JHY: variants seen among roughly 807,000 people sequenced by gnomAD.
JHY encodes jhy protein homolog.
JHY carries 69 observed loss-of-function variants against 78.0 expected under a neutral mutation model. That is an observed-to-expected ratio of 0.88 (90% CI 0.73 to 1.08). The LOEUF (loss-of-function observed/expected upper bound fraction) is 1.08, where lower values mean the gene tolerates loss of function less well. Ranked by LOEUF, JHY falls within the 50% of genes least tolerant of loss-of-function variation. The probability of loss-of-function intolerance (pLI) is 0.00; values close to 1 mark genes in which losing one functional copy is unlikely to be tolerated. For synonymous variants in JHY, 368 were observed against 342.6 expected, an observed-to-expected ratio of 1.07 and a Z score of -0.82; for missense variants, 944 against 927.8, an observed-to-expected ratio of 1.02 and a Z score of -0.23.
chr11:122,891,724 A>T (rs7950748), intron 2 of JHY, among the ~76,000 whole-genome samples: 43,285 of 152,026 alleles, frequency 0.28, 6,497 homozygotes, highest in East Asian at 0.44. Context: ...CCTCTTGGAT[A>T]GGCATTATTA....
chr11:122,918,245 T>C (rs897388821), intron 3 of JHY, among the ~76,000 whole-genome samples: 1 of 151,514 alleles, frequency 6.6e-6, no homozygotes, highest in Admixed American at 6.6e-5. Flanking sequence ...GACATTGTCA[T>C]AGGTGCTTGG....
intron 3 of JHY, 62 bp downstream of exon 3, chr11:122,904,506 C>T: frequency 1.3e-6 from 2 of 1,539,392 alleles, no homozygotes; most frequent in Non-Finnish European, 1.8e-6. Flanking sequence ...CGTTTGTTTG[C>T]AGTGTCTAGA....
chr11:122,884,996 G>T (rs1862465290), intron 1 of JHY, among the ~76,000 whole-genome samples: 1 of 146,860 alleles, frequency 6.8e-6, no homozygotes, highest in Non-Finnish European at 1.5e-5. Flanking sequence ...TTTTTGTAGA[G>T]ATGGGGTTTT....
intron 8 of JHY, chr11:122,958,948 C>A (rs186085759): frequency 1.0e-6 from 1 of 985,242 alleles, no homozygotes; most frequent in Admixed American, 6.1e-5. Context: ...ACTAAGTAGA[C>A]CAAACACATA....
Position 122,885,748 on chromosome 11 carries a change from TA to T in JHY, c.-89-12del. On this transcript the variant is annotated splice_polypyrimidine_tract_variant and intron_variant, in intron 1 of 8. Transcript: ENST00000227349. ...TAGTGGTCGCAGAGTAACATAAATA[TA>T]TTTTTTTTCAGGTAACGCTTTTGTG... is the stretch of plus-strand genomic sequence containing the variant. 2.4e-6 allele frequency: 2 copies of T among 845,194 alleles called. No homozygotes were observed. The highest frequency in any genetic ancestry group is 1.8e-5 in the South Asian group (1 of 55,806). 52.4% of individuals were successfully genotyped at this position (845,194 alleles called of 1,614,324 possible). A position where few individuals can be genotyped will look rare whatever the true frequency, so the allele number is the denominator to read the frequency against.
chr11:122,910,745 C>T (rs1863102693), intron 3 of JHY, among the ~76,000 whole-genome samples: 2 of 152,152 alleles, frequency 1.3e-5, no homozygotes, highest in Admixed American at 6.5e-5. Context: ...CTTATAACTT[C>T]ACACCCCTGA....
intron 2 of JHY, among the ~76,000 whole-genome samples, chr11:122,902,521 A>G (rs934262584): frequency 6.6e-6 from 1 of 152,220 alleles, no homozygotes; most frequent in Non-Finnish European, 1.5e-5. Context: ...CTGCAAAGAA[A>G]TACCTGAGTG....
chr11:122,921,987 GA>G (rs1164168195), intron 3 of JHY, among the ~76,000 whole-genome samples: 1 of 152,018 alleles, frequency 6.6e-6, no homozygotes, highest in East Asian at 1.9e-4. Context: ...AAAAAAAAAA[GA>G]GAGAGAAAGA....
At position 122,957,563 on chromosome 11, in the gene JHY, T is replaced by A. The variant is rs1864219389; in HGVS notation, c.2139+72T>A. 3.5e-6 allele frequency: 5 copies of A among 1,427,488 alleles called. No homozygotes were observed. In the East Asian group the frequency reaches 1.4e-4, roughly 41 times the overall value. The allele number at this position is 1,427,488 out of a possible 1,614,324, so 88.4% of individuals were successfully genotyped here. ...AGGAAACTTTTATTATCGCTTTTTT[T>A]TTTTTTTTTTAATTAGCCACAGAGT... On this transcript the variant is annotated intron_variant, in intron 8 of 8. Coordinates refer to ENST00000227349, the MANE Select transcript of JHY (RefSeq NM_024806.4).
intron 3 of JHY, among the ~76,000 whole-genome samples, chr11:122,922,793 G>C (rs565869610): frequency 5.1e-4 from 59 of 116,688 alleles, no homozygotes; most frequent in Admixed American, 1.1e-3. Flanking sequence ...CTGGGCAACA[G>C]AGCGAGACTC....
intron 2 of JHY, among the ~76,000 whole-genome samples, chr11:122,901,165 G>C (rs375803403): frequency 1.2e-4 from 18 of 152,284 alleles, no homozygotes; most frequent in Middle Eastern, 3.4e-3. Context: ...TAATACCTTG[G>C]TAAGTATTTG....
At chr11:122,954,963 G>A (rs375260121) in intron 6 of JHY, among the ~76,000 whole-genome samples, 1 of 152,104 alleles carries the variant, frequency 6.6e-6, no homozygotes, top group African/African-American at 2.4e-5. Context: ...AGTAACTTAC[G>A]TGTGCCTTAA....
chr11:122,939,825 C>T (rs1411940212), intron 5 of JHY, among the ~76,000 whole-genome samples: 1 of 151,858 alleles, frequency 6.6e-6, no homozygotes, highest in Non-Finnish European at 1.5e-5. Flanking sequence ...ACATTCAGCC[C>T]CTAAGAATAA....
intron 4 of JHY, among the ~76,000 whole-genome samples, chr11:122,928,939 C>T (rs559284288): frequency 6.6e-6 from 1 of 150,762 alleles, no homozygotes; most frequent in East Asian, 2.0e-4. Context: ...TGAGCCAACA[C>T]GCCTGGCCCA....
chr11:122,923,757 G>A (rs1223741252), intron 3 of JHY, among the ~76,000 whole-genome samples: 6 of 151,396 alleles, frequency 4.0e-5, no homozygotes, highest in East Asian at 1.9e-4. Flanking sequence ...TCACTCTGTC[G>A]CCCAGGCTGG....
intron 4 of JHY, among the ~76,000 whole-genome samples, chr11:122,932,374 T>A (rs1863654066): frequency 1.3e-5 from 2 of 152,198 alleles, no homozygotes. Flanking sequence ...CTTGGCCTTG[T>A]TGTCAGAGCG....
At chr11:122,913,113 C>T (rs1049178072) in intron 3 of JHY, among the ~76,000 whole-genome samples, 3 of 152,080 alleles carry the variant, frequency 2.0e-5, no homozygotes, top group African/African-American at 2.4e-5. Context: ...GGAGGCCATT[C>T]GATGGTGAGA....
intron 3 of JHY, among the ~76,000 whole-genome samples, chr11:122,914,956 A>C (rs947870196): frequency 6.6e-6 from 1 of 151,960 alleles, no homozygotes; most frequent in Admixed American, 6.6e-5. Context: ...TCTTGTGTGC[A>C]CTGTTCAACA....
intron 8 of JHY, 149 bp from the exon 9 acceptor site, chr11:122,959,099 T>C (rs917250708): frequency 2.2e-6 from 3 of 1,390,580 alleles, no homozygotes; most frequent in African/African-American, 2.9e-5. Context: ...TGTGTTATAT[T>C]GCATTGTTTG....
Sources: allele counts gnomAD v4.1 joint callset (sites outside exome capture counted in the v4.1 genomes callset), GRCh38; gene constraint gnomAD v4.1.1; transcripts MANE v1.5; gene names NCBI Gene and HGNC (gene_info 2026-07-23, HGNC 2026-07-21).